Variants in ANO2 observed in about 807,000 individuals in gnomAD.
The protein encoded by ANO2 is anoctamin-2.
ANO2 carries 101 observed loss-of-function variants against 124.2 expected under a neutral mutation model. The observed-to-expected ratio is 0.81, with a 90% CI of 0.69 to 0.96. The LOEUF is 0.96. Ranked by LOEUF, ANO2 falls within the 40% of genes least tolerant of loss-of-function variation. ANO2 has a pLI of 0.00. For synonymous variants in ANO2, 486 were observed against 482.5 expected, an observed-to-expected ratio of 1.01 and a Z score of -0.09; for missense variants, 1,293 against 1,274.5, an observed-to-expected ratio of 1.01 and a Z score of -0.22.
At chr12:5,835,689 GTTTGA>G (rs1288801159) in intron 4 of ANO2, among the ~76,000 whole-genome samples, 2 of 152,214 alleles carry the variant, frequency 1.3e-5, no homozygotes, top group Admixed American at 1.3e-4. Flanking sequence ...TTACTCCACT[GTTTGA>G]TTTGTAAAAT....
Position 5,851,934 on chromosome 12 carries a change from A to G in ANO2, c.633+2109T>C, listed in dbSNP as rs761171109. 29 of 741,416 alleles carry G rather than the reference A, an allele frequency of 3.9e-5. 1 individual carries two copies. The South Asian group carries it at 4.0e-4, about 10-fold the overall frequency. The allele number at this position is 741,416 out of a possible 1,614,324, so 45.9% of individuals were successfully genotyped here. A position where few individuals can be genotyped will look rare whatever the true frequency, so the allele number is the denominator to read the frequency against. ...TACCCTGGGGGATGGAAATCATAAC[A>G]TGGGCATTAGAGTTTTGCTCACCTC... On this transcript the variant is annotated intron_variant, in intron 4 of 24. Coordinates refer to ENST00000682330, the MANE Select transcript of ANO2 (RefSeq NM_001364791.2).
At chr12:5,740,140 G>C (rs1951039642) in intron 12 of ANO2, 1 of 368,738 alleles carries the variant, frequency 2.7e-6, no homozygotes, top group African/African-American at 2.1e-5. Context: ...CAACCCTACA[G>C]CCATGGTTTG....
chr12:5,827,732 G>GCCCGTCAGCA, intron 7 of ANO2, 37 bp downstream of exon 7: 4 of 1,594,752 alleles, frequency 2.5e-6, no homozygotes, highest in Middle Eastern at 1.7e-4. Context: ...CCGCCTCAGC[G>GCCCGTCAGCA]CCCGTCAGCA....
At chr12:5,615,118 G>T in intron 17 of ANO2, 68 bp downstream of exon 17, 3 of 1,304,516 alleles carry the variant, frequency 2.3e-6, no homozygotes, top group Non-Finnish European at 3.3e-6. Flanking sequence ...TGACCCTATT[G>T]TCCTGACAGT....
At chr12:5,764,781 G>A (rs1488632321) in intron 10 of ANO2, among the ~76,000 whole-genome samples, 1 of 150,700 alleles carries the variant, frequency 6.6e-6, no homozygotes, top group Non-Finnish European at 1.5e-5. Context: ...CGATCGTTCA[G>A]AGACAGATTT....
intron 16 of ANO2, among the ~76,000 whole-genome samples, chr12:5,631,509 G>T (rs755873978): frequency 2.6e-5 from 4 of 152,166 alleles, no homozygotes; most frequent in Non-Finnish European, 5.9e-5. Flanking sequence ...ATGAGAGCAG[G>T]GACCTTGTCG....
rs190949479 is a variant in ANO2 at position 5,927,847 on chromosome 12, G to C, written c.23-5043C>G. Among the ~76,000 whole-genome samples the C allele has an allele frequency of 5.3e-5, 8 of 152,336 alleles. No individual in the cohort carries two copies. In the East Asian group the frequency reaches 1.5e-3, roughly 29 times the overall value. Reference sequence around the variant, plus strand: ...ACCTCCAAATAATGCTATATCCCCAGACAGTCTGGCAGGAACCTTCAAGGT... The same window carrying C: ...ACCTCCAAATAATGCTATATCCCCACACAGTCTGGCAGGAACCTTCAAGGT... On this transcript the variant is annotated intron_variant, in intron 1 of 24. Transcript: ENST00000682330.
intron 10 of ANO2, among the ~76,000 whole-genome samples, chr12:5,798,719 G>A (rs927887241): frequency 2.0e-5 from 3 of 152,202 alleles, no homozygotes; most frequent in Admixed American, 1.3e-4. Context: ...GGACCCTGAA[G>A]ATCAAAGAGG....
At chr12:5,619,052 A>G (rs562628005) in intron 16 of ANO2, among the ~76,000 whole-genome samples, 2 of 152,316 alleles carry the variant, frequency 1.3e-5, no homozygotes, top group South Asian at 4.1e-4. Flanking sequence ...CATTACCAAC[A>G]ACCCTCTCAC....
At chr12:5,935,088 G>A (rs761019520) in intron 1 of ANO2, among the ~76,000 whole-genome samples, 5 of 152,160 alleles carry the variant, frequency 3.3e-5, no homozygotes, top group African/African-American at 4.8e-5. Context: ...TTTATTTATA[G>A]TCTGTAGGAA....
chr12:5,695,857 T>A (rs1949151142), intron 14 of ANO2, among the ~76,000 whole-genome samples: 1 of 152,034 alleles, frequency 6.6e-6, no homozygotes, highest in Non-Finnish European at 1.5e-5. Context: ...ATAAATTAAT[T>A]AATTAATAAA....
Position 5,575,906 on chromosome 12 carries a change from A to C in ANO2, c.2549T>G (p.Phe850Cys). 6.2e-7 allele frequency: 1 copy of C among 1,613,688 alleles called. No individual in the cohort carries two copies. The highest frequency in any genetic ancestry group is 8.5e-7 in the Non-Finnish European group (1 of 1,179,766). Reference sequence around the variant, plus strand: ...CCCCTCCTTCAGCTGGCTGACGTTGAAAAAGGAGAGGGTGTGGTTGACAAA... The same window carrying C: ...CCCCTCCTTCAGCTGGCTGACGTTGCAAAAGGAGAGGGTGTGGTTGACAAA... The part of the protein sequence containing the change: ...HGFVNHTLSF[F>C]NVSQLKEGTQ... Residue 850 changes from phenylalanine (F) to cysteine (C), a missense_variant, in exon 23 of 25, where the codon TTC becomes TGC. Transcript: ENST00000682330.
chr12:5,673,827 G>T (rs1414240342), intron 14 of ANO2, among the ~76,000 whole-genome samples: 3 of 152,168 alleles, frequency 2.0e-5, no homozygotes, highest in African/African-American at 7.2e-5. Flanking sequence ...TTAGGGGATC[G>T]CATGGGTCCT....
intron 1 of ANO2, among the ~76,000 whole-genome samples, chr12:5,939,134 T>C (rs1474754570): frequency 7.0e-6 from 1 of 143,736 alleles, no homozygotes; most frequent in Non-Finnish European, 1.5e-5. Flanking sequence ...GGAGAATCGT[T>C]TGAACCCGGG....
intron 24 of ANO2, among the ~76,000 whole-genome samples, chr12:5,564,021 T>A (rs1238024013): frequency 6.6e-6 from 1 of 152,208 alleles, no homozygotes; most frequent in African/African-American, 2.4e-5. Flanking sequence ...GCTGTCACGG[T>A]GCCACTTGTT....
intron 3 of ANO2, among the ~76,000 whole-genome samples, chr12:5,857,109 C>A (rs1225968783): frequency 6.6e-6 from 1 of 152,158 alleles, no homozygotes; most frequent in East Asian, 1.9e-4. Flanking sequence ...CGGAGCACAA[C>A]CATCACCGAA....
intron 20 of ANO2, among the ~76,000 whole-genome samples, chr12:5,580,874 T>C (rs1398168284): frequency 2.0e-5 from 3 of 152,174 alleles, no homozygotes; most frequent in Non-Finnish European, 4.4e-5. Context: ...CGGCAAGTGC[T>C]GGTCGGTAGC....
chr12:5,802,891 C>A (rs182350753), intron 9 of ANO2, among the ~76,000 whole-genome samples: 1 of 152,340 alleles, frequency 6.6e-6, no homozygotes, highest in Non-Finnish European at 1.5e-5. Flanking sequence ...GCCTTTACAG[C>A]AGGAACCATC....
intron 7 of ANO2, among the ~76,000 whole-genome samples, chr12:5,820,816 T>C (rs1953772334): frequency 6.6e-6 from 1 of 152,226 alleles, no homozygotes; most frequent in South Asian, 2.1e-4. Context: ...AACCAAGTGG[T>C]AACTTCAATT....
Sources: gnomAD v4.1 joint callset for allele counts (sites outside exome capture counted in the v4.1 genomes callset) on GRCh38, gnomAD v4.1.1 for gene constraint, MANE v1.5 for transcripts, NCBI Gene and HGNC (gene_info 2026-07-23, HGNC 2026-07-21) for gene names.